Variants in PLCE1 observed in about 807,000 individuals in gnomAD.
PLCE1 encodes phospholipase C epsilon 1, also known as 1-phosphatidylinositol 4,5-bisphosphate phosphodiesterase epsilon-1.
In PLCE1, 119 loss-of-function variants were observed where a neutral mutation model predicts 242.8. The observed-to-expected ratio is 0.49, with a 90% CI of 0.42 to 0.57. The LOEUF is 0.57. Ranked by LOEUF, PLCE1 falls within the 20% of genes least tolerant of loss-of-function variation. The probability of loss-of-function intolerance (pLI) is 0.00; values close to 1 mark genes in which losing one functional copy is unlikely to be tolerated. For synonymous variants in PLCE1, 945 were observed against 1,017.4 expected, an observed-to-expected ratio of 0.93 and a Z score of 1.35; for missense variants, 2,441 against 2,788.8, an observed-to-expected ratio of 0.88 and a Z score of 2.81.
intron 20 of PLCE1, chr10:94,283,555 A>C: frequency 2.5e-6 from 1 of 398,192 alleles, no homozygotes; most frequent in Admixed American, 3.7e-5. Context: ...CATTTAAATT[A>C]TGTATATAAG....
intron 19 of PLCE1, 109 bp from the exon 20 acceptor site, chr10:94,279,673 A>T: frequency 8.0e-7 from 1 of 1,242,288 alleles, no homozygotes; most frequent in Non-Finnish European, 1.2e-6. Context: ...GTATCAAAAT[A>T]GGTTAAGCCA....
At chr10:94,056,349 T>C (rs1276267254) in intron 2 of PLCE1, among the ~76,000 whole-genome samples, 1 of 152,222 alleles carries the variant, frequency 6.6e-6, no homozygotes, top group East Asian at 1.9e-4. Context: ...CGTGTAATTC[T>C]GTCCTTTGAA....
intron 5 of PLCE1, among the ~76,000 whole-genome samples, chr10:94,230,221 T>A (rs772235784): frequency 3.3e-5 from 5 of 152,166 alleles, no homozygotes; most frequent in Non-Finnish European, 5.9e-5. Context: ...TGGTGTCAGT[T>A]TAAAATAACC....
At chr10:94,163,986 C>G (rs2047706983) in intron 3 of PLCE1, among the ~76,000 whole-genome samples, 1 of 152,184 alleles carries the variant, frequency 6.6e-6, no homozygotes, top group Non-Finnish European at 1.5e-5. Flanking sequence ...GGCCCCCACT[C>G]CCTTCTGGCT....
At chr10:93,995,526 G>A (rs1221048839) in intron 1 of PLCE1, among the ~76,000 whole-genome samples, 1 of 152,150 alleles carries the variant, frequency 6.6e-6, no homozygotes, top group Non-Finnish European at 1.5e-5. Flanking sequence ...GGCTTTCATG[G>A]CAAAATGCTT....
chr10:94,268,828 A>G lies in PLCE1; in HGVS notation c.4282-101A>G, dbSNP rs1024479632. The G allele has an allele frequency of 8.1e-6, 6 of 740,496 alleles. No homozygotes were observed. The African/African-American group carries it at 1.0e-4, about 13-fold the overall frequency. The allele number at this position is 740,496 out of a possible 1,614,324, so 45.9% of individuals were successfully genotyped here. On this transcript the variant is annotated intron_variant, in intron 16 of 32. Transcript: ENST00000371380. ...CATTTGCCCTTCTGCTTTAGTCCTG[A>G]GTGTAAACACTGCCTGATATGTAGA...
At chr10:94,231,044 G>T (rs1383094271) in intron 5 of PLCE1, among the ~76,000 whole-genome samples, 3 of 152,176 alleles carry the variant, frequency 2.0e-5, no homozygotes, top group Admixed American at 2.0e-4. Flanking sequence ...AATACTGAAA[G>T]AAAATATACC....
chr10:94,274,207 G>A (rs1261267662), intron 19 of PLCE1, among the ~76,000 whole-genome samples: 1 of 152,118 alleles, frequency 6.6e-6, no homozygotes, highest in Non-Finnish European at 1.5e-5. Flanking sequence ...CACCTGTGTA[G>A]GAGACCCTCG....
At chr10:94,128,730 C>T (rs2046508874) in intron 2 of PLCE1, among the ~76,000 whole-genome samples, 1 of 152,142 alleles carries the variant, frequency 6.6e-6, no homozygotes, top group African/African-American at 2.4e-5. Context: ...TGGAGGAGCT[C>T]AGTACATGTT....
rs573950956 is a variant in PLCE1 at position 94,308,446 on chromosome 10, C to T, written c.5885-135C>T. On this transcript the variant is annotated intron_variant, in intron 26 of 32. Coordinates refer to ENST00000371380, the MANE Select transcript of PLCE1 (RefSeq NM_016341.4). Reference sequence around the variant, plus strand: ...GGGCAGCACTCTCTTGGCGAAAAGACGCCTGTTGGTTGCATGCCTGTTGCC... The same window carrying T: ...GGGCAGCACTCTCTTGGCGAAAAGATGCCTGTTGGTTGCATGCCTGTTGCC... 8.0e-4 allele frequency: 614 copies of T among 769,412 alleles called. 7 individuals are homozygous for T. Among genetic ancestry groups the T allele is most frequent in the South Asian group, 6.8e-3 (503 of 73,636 alleles). 47.7% of individuals were successfully genotyped at this position (769,412 alleles called of 1,614,324 possible). A position where few individuals can be genotyped will look rare whatever the true frequency, so the allele number is the denominator to read the frequency against.
Position 94,298,677 on chromosome 10 carries a change from G to A in PLCE1, c.5458+8G>A. ...TCAACTACCAGACTGATGGTAAGGG[G>A]CCTGCATGCTCACCTCGCTCCTTTG... On this transcript the variant is annotated splice_region_variant and intron_variant, in intron 24 of 32. Coordinates refer to ENST00000371380, the MANE Select transcript of PLCE1 (RefSeq NM_016341.4). This position sits in a 1 kb window ranked among gnomAD's most constrained non-coding sequence, Gnocchi z 5.2. The A allele has an allele frequency of 6.2e-7, 1 of 1,613,780 alleles. No homozygotes were observed. The highest frequency in any genetic ancestry group is 1.7e-4 in the Middle Eastern group (1 of 6,056).
At chr10:94,121,076 C>T (rs1279523177) in intron 2 of PLCE1, 2 of 152,212 alleles carry the variant, frequency 1.3e-5, no homozygotes, top group Non-Finnish European at 2.9e-5. Flanking sequence ...GATTGATAAC[C>T]TCCCTTTTAT....
chr10:94,058,931 G>T (rs1173013322), intron 2 of PLCE1, among the ~76,000 whole-genome samples: 1 of 152,158 alleles, frequency 6.6e-6, no homozygotes, highest in Non-Finnish European at 1.5e-5. Flanking sequence ...TGGATCATGA[G>T]AATCTTTACT....
intron 3 of PLCE1, among the ~76,000 whole-genome samples, chr10:94,167,759 T>TG (rs1564750229): frequency 6.7e-6 from 1 of 149,260 alleles, no homozygotes. Flanking sequence ...TTTTTGTCCT[T>TG]GCGATAGTTT....
chr10:94,296,021 C>T (rs1041678294), intron 23 of PLCE1, among the ~76,000 whole-genome samples: 1 of 152,136 alleles, frequency 6.6e-6, no homozygotes, highest in African/African-American at 2.4e-5. Flanking sequence ...CTATGAAAGT[C>T]CTAGGTGGCA....
chr10:94,229,766 A>G (rs907906476), intron 5 of PLCE1, among the ~76,000 whole-genome samples: 3 of 152,230 alleles, frequency 2.0e-5, no homozygotes, highest in East Asian at 1.9e-4. Flanking sequence ...ACAGACCTCA[A>G]CATTGATCCC....
chr10:94,105,150 T>G (rs922266965), intron 2 of PLCE1: 3 of 152,178 alleles, frequency 2.0e-5, no homozygotes, highest in Non-Finnish European at 4.4e-5. Flanking sequence ...GGAGACCCTT[T>G]CATTTTATAG....
At chr10:94,067,659 G>A (rs2044236259) in intron 2 of PLCE1, among the ~76,000 whole-genome samples, 1 of 152,162 alleles carries the variant, frequency 6.6e-6, no homozygotes, top group African/African-American at 2.4e-5. Flanking sequence ...GGAAGAGGAG[G>A]GAGCAATTAC....
intron 3 of PLCE1, among the ~76,000 whole-genome samples, chr10:94,149,905 T>C (rs1223636): frequency 6.6e-6 from 1 of 152,070 alleles, no homozygotes; most frequent in African/African-American, 2.4e-5. Context: ...TGATTCACCA[T>C]CTGTCTCAAA....
Sources: gnomAD v4.1 joint callset for allele counts (sites outside exome capture counted in the v4.1 genomes callset) on GRCh38, gnomAD v4.1.1 for gene constraint, Gnocchi (gnomAD v3.1) non-coding constraint, MANE v1.5 for transcripts, NCBI Gene and HGNC (gene_info 2026-07-23, HGNC 2026-07-21) for gene names.